The following AKAP6 variants were observed in gnomAD, a reference collection of about 807,000 sequenced individuals.
AKAP6 encodes the protein A-kinase anchoring protein 6.
Under a neutral mutation model 188.5 loss-of-function variants are expected in AKAP6, and 58 were observed. The ratio of observed to expected loss-of-function variants is 0.31; its 90% CI spans 0.25 to 0.38. The LOEUF (loss-of-function observed/expected upper bound fraction) is 0.38, where lower values mean the gene tolerates loss of function less well. AKAP6 is among the 10% of genes least tolerant of loss of function. AKAP6 has a pLI of 1.00. For synonymous variants in AKAP6, 989 were observed against 998.6 expected (o/e 0.99, Z 0.18); for missense variants, 2,710 against 2,740.0 (o/e 0.99, Z 0.24).
chr14:32,472,816 TGAAA>T (rs1423874353), intron 2 of AKAP6, among the ~76,000 whole-genome samples: 16 of 152,194 alleles, frequency 1.1e-4, no homozygotes, highest in African/African-American at 3.9e-4. Flanking sequence ...TAAGAGAGAT[TGAAA>T]CAACAGCTGG....
At chr14:32,601,921 C>T (rs893132945) in intron 7 of AKAP6, among the ~76,000 whole-genome samples, 1 of 152,146 alleles carries the variant, frequency 6.6e-6, no homozygotes, top group Admixed American at 6.5e-5. Context: ...ACGCCTTTAA[C>T]TTATTTGTTG....
At chr14:32,370,235 A>C (rs924515729) in intron 1 of AKAP6, among the ~76,000 whole-genome samples, 3 of 152,192 alleles carry the variant, frequency 2.0e-5, no homozygotes, top group Non-Finnish European at 4.4e-5. Context: ...CACAAACCAG[A>C]AACTGCTGTT....
chr14:32,774,057 TTAC>T, intron 12 of AKAP6, 164 bp downstream of exon 12: 1 of 677,456 alleles, frequency 1.5e-6, no homozygotes, highest in South Asian at 1.8e-5. Flanking sequence ...GCTCATAGTT[TTAC>T]TACGAACTAG....
chr14:32,691,981 A>T (rs956956359), intron 8 of AKAP6, among the ~76,000 whole-genome samples: 1 of 152,186 alleles, frequency 6.6e-6, no homozygotes, highest in Non-Finnish European at 1.5e-5. Context: ...TTAAGAAAAA[A>T]GTTTTTGTCT....
intron 5 of AKAP6, among the ~76,000 whole-genome samples, chr14:32,597,004 A>G (rs565429529): frequency 6.6e-6 from 1 of 152,144 alleles, no homozygotes; most frequent in Non-Finnish European, 1.5e-5. Flanking sequence ...GCAATATTGT[A>G]CCATTTGGGT....
intron 2 of AKAP6, among the ~76,000 whole-genome samples, chr14:32,465,735 A>T (rs1217879481): frequency 6.6e-6 from 1 of 152,226 alleles, no homozygotes; most frequent in African/African-American, 2.4e-5. Flanking sequence ...GACAAATGGG[A>T]TCTAATCAAA....
Position 32,364,555 on chromosome 14 carries a change from A to G in AKAP6, c.-35+35147A>G, listed in dbSNP as rs1449559085. ...TCTAAGGTAAATTATAATTTTTTTG[A>G]TCTTTCACACTGGAGGTATTTTTCA... On this transcript the variant is annotated intron_variant, in intron 1 of 13. Coordinates refer to ENST00000280979, the MANE Select transcript of AKAP6 (RefSeq NM_004274.5). 2.6e-5 allele frequency among the ~76,000 whole-genome samples: 4 copies of G among 151,940 alleles called. No individual in the cohort carries two copies. The East Asian group carries it at 5.8e-4, about 22-fold the overall frequency.
chr14:32,704,326 C>A (rs993008914), intron 9 of AKAP6, among the ~76,000 whole-genome samples: 1 of 152,076 alleles, frequency 6.6e-6, no homozygotes, highest in Non-Finnish European at 1.5e-5. Context: ...GATGGGAATG[C>A]GTAGTATTCC....
chr14:32,718,977 A>T (rs995940481), intron 9 of AKAP6, among the ~76,000 whole-genome samples: 5 of 152,206 alleles, frequency 3.3e-5, no homozygotes, highest in African/African-American at 1.2e-4. Flanking sequence ...TTATAATCTA[A>T]TTCTGAAACC....
intron 4 of AKAP6, among the ~76,000 whole-genome samples, chr14:32,572,108 C>G (rs570516132): frequency 7.2e-5 from 11 of 152,184 alleles, no homozygotes; most frequent in Non-Finnish European, 1.5e-4. Flanking sequence ...TGACCTGGGT[C>G]TGATAATTTG....
chr14:32,474,643 G>T (rs1308264231), intron 2 of AKAP6: 1 of 152,230 alleles, frequency 6.6e-6, no homozygotes, highest in Non-Finnish European at 1.5e-5. Context: ...AAGAAATAGG[G>T]ATTGAATCTT....
intron 2 of AKAP6, among the ~76,000 whole-genome samples, chr14:32,510,460 G>GTGTATATATATATATACATATATATA (rs1881187274): frequency 6.4e-5 from 3 of 46,964 alleles, no homozygotes; most frequent in East Asian, 5.5e-4. Context: ...ACATATATAT[G>GTGTATATATATATATACATATATATA]TGTATATATA....
At chr14:32,765,895 C>T (rs1419483801) in intron 11 of AKAP6, among the ~76,000 whole-genome samples, 1 of 152,000 alleles carries the variant, frequency 6.6e-6, no homozygotes, top group East Asian at 1.9e-4. Context: ...ATATTTCTGG[C>T]CTTACCAAGA....
rs751830933 is a variant in AKAP6 at position 32,823,807 on chromosome 14, C to T, written c.5994C>T (p.Asp1998=). ...ALETRFNNRQ[D]SDALKSSDDA... Reference sequence around the variant, plus strand: ...AAACCAGGTTTAACAACAGACAAGACTCTGATGCACTGAAATCATCTGATG... The same window carrying T: ...AAACCAGGTTTAACAACAGACAAGATTCTGATGCACTGAAATCATCTGATG... The change falls in exon 13 of 14, where the codon GAC becomes GAT. Residue 1998 remains aspartate (D), a synonymous_variant. Transcript: ENST00000280979. 41 of 1,613,402 alleles carry T rather than the reference C, an allele frequency of 2.5e-5. No homozygotes were observed. The highest frequency in any genetic ancestry group is 3.4e-5 in the Non-Finnish European group (40 of 1,179,922).
chr14:32,430,182 A>G (rs184676295), intron 1 of AKAP6, among the ~76,000 whole-genome samples: 16 of 152,340 alleles, frequency 1.1e-4, no homozygotes, highest in African/African-American at 3.8e-4. Flanking sequence ...CAAGATAGGC[A>G]GGAAACTTCC....
intron 2 of AKAP6, among the ~76,000 whole-genome samples, chr14:32,515,057 C>A (rs1228702371): frequency 6.6e-6 from 1 of 152,148 alleles, no homozygotes; most frequent in Non-Finnish European, 1.5e-5. Flanking sequence ...AAAGACATAC[C>A]TGAGACTGGG....
intron 2 of AKAP6, among the ~76,000 whole-genome samples, chr14:32,488,557 G>C (rs1879825780): frequency 6.6e-6 from 1 of 152,102 alleles, no homozygotes; most frequent in African/African-American, 2.4e-5. Context: ...TCTCACTGGG[G>C]TTCCAGGCAC....
chr14:32,699,262 A>C (rs1594859791), intron 9 of AKAP6, among the ~76,000 whole-genome samples: 1 of 152,162 alleles, frequency 6.6e-6, no homozygotes, highest in Admixed American at 6.6e-5. Context: ...AAATACAGAA[A>C]CCCTAGACTA....
chr14:32,710,462 GGA>G (rs1891000183), intron 9 of AKAP6, among the ~76,000 whole-genome samples: 1 of 152,010 alleles, frequency 6.6e-6, no homozygotes, highest in African/African-American at 2.4e-5. Context: ...AAGAAGTGAT[GGA>G]GAAAAAGATG....
Sources: gnomAD v4.1 joint callset for allele counts (sites outside exome capture counted in the v4.1 genomes callset) on GRCh38, gnomAD v4.1.1 for gene constraint, MANE v1.5 for transcripts, NCBI Gene and HGNC (gene_info 2026-07-23, HGNC 2026-07-21) for gene names.